NRK: variants seen among roughly 807,000 people sequenced by gnomAD.
NRK encodes the protein Nik related kinase, also known as nik-related protein kinase.
In NRK, 67 loss-of-function variants were observed where a neutral mutation model predicts 125.2. That is an observed-to-expected ratio of 0.54 (90% CI 0.44 to 0.66). The LOEUF is 0.66. Ranked by LOEUF, NRK falls within the 30% of genes least tolerant of loss-of-function variation. The pLI, the probability that NRK is intolerant of heterozygous loss-of-function variation, is 0.00. For synonymous variants in NRK, 458 were observed against 429.0 expected (o/e 1.07, Z -0.84); for missense variants, 1,224 against 1,192.9 (o/e 1.03, Z -0.38).
intron 1 of NRK, among the ~76,000 whole-genome samples, chrX:105,826,366 T>C (rs1466192032): frequency 2.5e-5 from 2 of 79,841 alleles, no homozygotes; most frequent in African/African-American, 5.5e-5. Flanking sequence ...ATATATAATA[T>C]ATTATATATA....
At chrX:105,837,963 A>T (rs1478263004) in intron 2 of NRK, among the ~76,000 whole-genome samples, 1 of 111,534 alleles carries the variant, frequency 9.0e-6, no homozygotes, top group East Asian at 2.8e-4. Flanking sequence ...TGACTCTCCC[A>T]GTAACTGACA....
At chrX:105,914,175 C>T (rs2040336034) in intron 14 of NRK, among the ~76,000 whole-genome samples, 1 of 110,740 alleles carries the variant, frequency 9.0e-6, no homozygotes. Flanking sequence ...CAGGAGTCTA[C>T]TATGAAGTCT....
intron 3 of NRK, among the ~76,000 whole-genome samples, chrX:105,880,874 A>G (rs2147707257): frequency 9.0e-6 from 1 of 111,614 alleles, no homozygotes; most frequent in Admixed American, 9.6e-5. Flanking sequence ...ACACTTTCTC[A>G]AGATAATATT....
intron 2 of NRK, among the ~76,000 whole-genome samples, chrX:105,860,265 A>C (rs915400696): frequency 9.0e-6 from 1 of 111,385 alleles, no homozygotes; most frequent in African/African-American, 3.3e-5. Flanking sequence ...CCAGAGATTG[A>C]CCATGCATTA....
chrX:105,937,704 G>T, intron 22 of NRK, 122 bp downstream of exon 22: 1 of 404,822 alleles, frequency 2.5e-6, no homozygotes, highest in Middle Eastern at 5.0e-4. Flanking sequence ...ACCTTTAATT[G>T]GGACACCAGA....
chrX:105,929,039 G>C (rs993127801), intron 19 of NRK, among the ~76,000 whole-genome samples: 2 of 111,506 alleles, frequency 1.8e-5, no homozygotes, highest in Non-Finnish European at 3.8e-5. Flanking sequence ...TTTCTTTGTT[G>C]ATTTTCTGTG....
At chrX:105,923,032 T>C in intron 17 of NRK, 86 bp from the exon 18 acceptor site, 1 of 945,925 alleles carries the variant, frequency 1.1e-6, no homozygotes, top group Middle Eastern at 2.9e-4. Context: ...AAAATATATT[T>C]CAAAATGTTG....
Position 105,949,703 on chromosome X carries a change from T to G in NRK, c.4482T>G (p.Leu1494=). 1 of 1,202,144 alleles carries G rather than the reference T, an allele frequency of 8.3e-7. No individual in the cohort carries two copies. The highest frequency in any genetic ancestry group is 1.1e-6 in the Non-Finnish European group (1 of 887,779). ...ATGAACAACTCTTCAAGAAGATCCT[T>G]GAAATGTGGAAAGACATACCATCTT... ...EANEQLFKKI[L]EMWKDIPSSI... is the part of the protein sequence containing the mutation. The change falls in exon 27 of 29, where the codon CTT becomes CTG. Residue 1494 remains leucine, a synonymous_variant. Coordinates refer to ENST00000243300, the MANE Select transcript of NRK (RefSeq NM_198465.4).
intron 24 of NRK, 46 bp downstream of exon 24, chrX:105,944,087 A>C (rs774035211): frequency 7.2e-6 from 5 of 694,693 alleles, no homozygotes; most frequent in Non-Finnish European, 1.1e-5. Flanking sequence ...TTTTATTTTG[A>C]GAAGAAATTG....
At chrX:105,917,342 CAT>C (rs997603350) in intron 15 of NRK, among the ~76,000 whole-genome samples, 8 of 110,641 alleles carry the variant, frequency 7.2e-5, no homozygotes, top group African/African-American at 9.8e-5. Flanking sequence ...ATAAAGGAAA[CAT>C]ATACTCTATG....
At chrX:105,912,447 G>A (rs1163511223) in intron 13 of NRK, among the ~76,000 whole-genome samples, 7 of 109,886 alleles carry the variant, frequency 6.4e-5, no homozygotes, top group Non-Finnish European at 1.1e-4. Flanking sequence ...ATTCTGAAAG[G>A]GATCCAGAAC....
At position 105,957,748 on chromosome X, in the gene NRK, T is replaced by C. The variant is rs1401639895; in HGVS notation, c.*2148T>C. ...GCTGGGCACATGTCAAAAAGGGAGA[T>C]CGAAATGTTAGGTAATCATTTAGAA... On this transcript the variant is annotated 3_prime_UTR_variant, in exon 29 of 29. Coordinates refer to ENST00000243300, the MANE Select transcript of NRK (RefSeq NM_198465.4). 1 of 111,750 alleles carries C rather than the reference T, an allele frequency of 8.9e-6. No individual in the cohort carries two copies. The highest frequency in any genetic ancestry group is 3.3e-5 in the African/African-American group (1 of 30,754). The allele number at this position is 111,750 out of a possible 1,213,427, so 9.2% of individuals were successfully genotyped here.
intron 2 of NRK, among the ~76,000 whole-genome samples, chrX:105,844,169 ATAT>A (rs1370940134): frequency 1.8e-5 from 2 of 110,377 alleles, no homozygotes; most frequent in Non-Finnish European, 1.9e-5. Context: ...ACTTAACAAA[ATAT>A]TATACTCTAT....
At chrX:105,846,116 C>T (rs73531086) in intron 2 of NRK, among the ~76,000 whole-genome samples, 12,693 of 110,710 alleles carry the variant, frequency 0.11, 1,805 homozygotes, top group African/African-American at 0.4. Flanking sequence ...GCCCAAGCCC[C>T]TAGTGTGATT....
chrX:105,920,429 A>AG (rs1305906525), intron 16 of NRK, among the ~76,000 whole-genome samples: 2 of 104,899 alleles, frequency 1.9e-5, no homozygotes, highest in Non-Finnish European at 3.9e-5. Flanking sequence ...AATTCTGTGA[A>AG]GAAAGGCATT....
chrX:105,937,375 A>G, intron 21 of NRK, 64 bp from the exon 22 acceptor site: 1 of 569,693 alleles, frequency 1.8e-6, no homozygotes, highest in East Asian at 3.7e-5. Flanking sequence ...TAGCAAAAAT[A>G]GTAATATAGA....
chrX:105,939,796 AAT>A, intron 22 of NRK, 76 bp from the exon 23 acceptor site: 1 of 621,999 alleles, frequency 1.6e-6, no homozygotes, highest in Non-Finnish European at 2.3e-6. Flanking sequence ...TAAAAGGCAA[AAT>A]ATCTTTACTT....
chrX:105,850,574 T>A (rs2147665549), intron 2 of NRK, among the ~76,000 whole-genome samples: 1 of 112,662 alleles, frequency 8.9e-6, no homozygotes, highest in Non-Finnish European at 1.9e-5. Flanking sequence ...TGGAATGTTT[T>A]TAACAGCACC....
intron 2 of NRK, among the ~76,000 whole-genome samples, chrX:105,867,218 A>C (rs764174808): frequency 1.8e-5 from 2 of 111,622 alleles, no homozygotes; most frequent in Non-Finnish European, 3.8e-5. Flanking sequence ...TAATTGGTTA[A>C]TCTTTTCAAA....
Sources: gnomAD v4.1 joint callset for allele counts (sites outside exome capture counted in the v4.1 genomes callset) on GRCh38, gnomAD v4.1.1 for gene constraint, MANE v1.5 for transcripts, NCBI Gene and HGNC (gene_info 2026-07-23, HGNC 2026-07-21) for gene names.